ATP8A2: variants seen among roughly 807,000 people sequenced by gnomAD.
ATP8A2 encodes phospholipid-transporting ATPase IB.
In ATP8A2, 100 loss-of-function variants were observed where a neutral mutation model predicts 165.6. That is an observed-to-expected ratio of 0.60 (90% CI 0.51 to 0.71). The LOEUF is 0.71. Ranked by LOEUF, ATP8A2 falls within the 30% of genes least tolerant of loss-of-function variation. The pLI, the probability that ATP8A2 is intolerant of heterozygous loss-of-function variation, is 0.00. For missense variants in ATP8A2, 1,227 were observed against 1,479.5 expected (o/e 0.83, Z 2.80); for synonymous variants, 543 against 548.8 (o/e 0.99, Z 0.15).
In ATP8A2 at chr13:25,459,361, C is replaced by T. The variant is rs551461460; in HGVS notation, c.77-9616C>T. 2.5e-4 allele frequency among the ~76,000 whole-genome samples: 38 copies of T among 152,334 alleles called. No homozygotes were observed. The Middle Eastern group carries it at 0.01, about 41-fold the overall frequency. ...TAAATTTAAAGAATTGCATTTTTCT[C>T]TGTCCACTTAAGACAGAATGCGAAA... On this transcript the variant is annotated intron_variant, in intron 1 of 36. Transcript: ENST00000381655.
chr13:25,924,844 C>G (rs1431204535), intron 33 of ATP8A2, among the ~76,000 whole-genome samples: 1 of 152,114 alleles, frequency 6.6e-6, no homozygotes, highest in Non-Finnish European at 1.5e-5. Context: ...CTCACAATAT[C>G]TGATGGTTTT....
intron 1 of ATP8A2, among the ~76,000 whole-genome samples, chr13:25,376,143 T>A (rs112224025): frequency 0.019 from 2,914 of 152,260 alleles, 94 homozygotes; most frequent in African/African-American, 0.066. Context: ...ATTCCTTACT[T>A]GCTGCTTAAT....
chr13:25,766,199 A>G (rs779027876), intron 25 of ATP8A2, among the ~76,000 whole-genome samples: 32 of 152,328 alleles, frequency 2.1e-4, no homozygotes, highest in Non-Finnish European at 4.0e-4. Flanking sequence ...TGATTAATAT[A>G]ATCATAAGAA....
intron 33 of ATP8A2, among the ~76,000 whole-genome samples, chr13:25,947,750 A>G (rs1955251070): frequency 6.6e-6 from 1 of 152,114 alleles, no homozygotes; most frequent in Admixed American, 6.5e-5. Flanking sequence ...TCAAGCAGAC[A>G]CCGTGGTCAG....
At chr13:25,444,635 G>GTT (rs879360153) in intron 1 of ATP8A2, among the ~76,000 whole-genome samples, 2,012 of 143,864 alleles carry the variant, frequency 0.014, 48 homozygotes, top group African/African-American at 0.048. Context: ...TCAAGCATCT[G>GTT]TTTTTTTTTT....
At chr13:25,820,445 C>G (rs762683172) in intron 27 of ATP8A2, among the ~76,000 whole-genome samples, 4 of 152,114 alleles carry the variant, frequency 2.6e-5, no homozygotes, top group Non-Finnish European at 5.9e-5. Context: ...TCCTAGTTAA[C>G]AAGAAACTAA....
At chr13:25,924,136 C>T (rs1465972214) in intron 33 of ATP8A2, among the ~76,000 whole-genome samples, 1 of 152,184 alleles carries the variant, frequency 6.6e-6, no homozygotes, top group Non-Finnish European at 1.5e-5. Context: ...TCTGCTGTGC[C>T]TCTCCCACTC....
intron 30 of ATP8A2, among the ~76,000 whole-genome samples, chr13:25,850,286 C>A (rs1951972589): frequency 6.6e-6 from 1 of 152,150 alleles, no homozygotes; most frequent in Non-Finnish European, 1.5e-5. Context: ...GGTGAGATCA[C>A]ATCTCTCCAT....
intron 24 of ATP8A2, among the ~76,000 whole-genome samples, chr13:25,633,658 A>T (rs1044767698): frequency 1.3e-5 from 2 of 152,176 alleles, no homozygotes; most frequent in Non-Finnish European, 2.9e-5. Flanking sequence ...GATAAGTTGG[A>T]TGTAAATAAC....
At chr13:25,565,767 C>T in intron 16 of ATP8A2, among the ~76,000 whole-genome samples, 1 of 80,576 alleles carries the variant, frequency 1.2e-5, no homozygotes, top group South Asian at 3.1e-4. Context: ...GTTTTTATCA[C>T]ATTTTTTTTT....
At chr13:25,765,858 A>G (rs1028473892) in intron 25 of ATP8A2, among the ~76,000 whole-genome samples, 4 of 152,066 alleles carry the variant, frequency 2.6e-5, no homozygotes, top group Non-Finnish European at 4.4e-5. Context: ...TTTAACCTCA[A>G]AAAAAACCCG....
intron 34 of ATP8A2, among the ~76,000 whole-genome samples, chr13:25,962,210 G>A (rs961551445): frequency 2.6e-5 from 4 of 152,140 alleles, no homozygotes; most frequent in African/African-American, 9.7e-5. Context: ...TCAGTGCTAA[G>A]TGGTCACGGA....
At chr13:25,967,666 C>A (rs1173224675) in intron 34 of ATP8A2, among the ~76,000 whole-genome samples, 1 of 152,000 alleles carries the variant, frequency 6.6e-6, no homozygotes, top group East Asian at 1.9e-4. Context: ...GAGCCTTTTC[C>A]CTTTGCAGTT....
At chr13:25,431,116 G>A (rs1264635308) in intron 1 of ATP8A2, among the ~76,000 whole-genome samples, 1 of 150,852 alleles carries the variant, frequency 6.6e-6, no homozygotes. Context: ...CCTCAACATT[G>A]TTAAGTACAC....
intron 1 of ATP8A2, among the ~76,000 whole-genome samples, chr13:25,410,135 T>C (rs2033924335): frequency 6.6e-6 from 1 of 151,880 alleles, no homozygotes; most frequent in Non-Finnish European, 1.5e-5. Context: ...GTTTACCACA[T>C]AAACCCCATT....
At chr13:25,930,257 C>G (rs11617886) in intron 33 of ATP8A2, among the ~76,000 whole-genome samples, 68,458 of 152,106 alleles carry the variant, frequency 0.45, 17,185 homozygotes, top group East Asian at 0.72. Flanking sequence ...TCTTTCAAAC[C>G]CTTTAATGAT....
intron 25 of ATP8A2, among the ~76,000 whole-genome samples, chr13:25,757,498 A>G (rs2044287764): frequency 2.3e-5 from 2 of 86,424 alleles, no homozygotes; most frequent in South Asian, 1.1e-3. Context: ...GTGTAACGAT[A>G]TACTATGTGT....
rs188822434 is a variant in ATP8A2 at position 25,648,403 on chromosome 13, C to T, written c.2212-50770C>T. On this transcript the variant is annotated intron_variant, in intron 24 of 36. Transcript: ENST00000381655. ...TGAGTAGGCTGGGTGTGGTGACTCA[C>T]GCCAGTAATTCTAGAACTTTGGGAG... Among the ~76,000 whole-genome samples, 149 of 152,258 alleles carry T rather than the reference C, an allele frequency of 9.8e-4. 1 individual carries two copies. The highest frequency in any genetic ancestry group is 3.2e-3 in the African/African-American group (132 of 41,558).
intron 8 of ATP8A2, among the ~76,000 whole-genome samples, chr13:25,541,144 C>A (rs933966435): frequency 7.2e-5 from 11 of 152,136 alleles, no homozygotes; most frequent in Middle Eastern, 3.4e-3. Flanking sequence ...GGATTACAGG[C>A]ATGAGATACT....
Sources: gnomAD v4.1 joint callset for allele counts (sites outside exome capture counted in the v4.1 genomes callset) on GRCh38, gnomAD v4.1.1 for gene constraint, MANE v1.5 for transcripts, NCBI Gene and HGNC (gene_info 2026-07-23, HGNC 2026-07-21) for gene names.